C1QTNF9: variants seen among roughly 807,000 people sequenced by gnomAD.
The protein encoded by C1QTNF9 is complement C1q and tumor necrosis factor-related protein 9A.
A neutral mutation model predicts 10.1 loss-of-function variants in C1QTNF9; 6 were observed. The ratio of observed to expected loss-of-function variants is 0.59; its 90% CI spans 0.32 to 1.17. C1QTNF9 has a LOEUF of 1.17. Among genes scored for constraint, C1QTNF9 ranks in the 50% most tolerant of loss-of-function variants. The pLI, the probability that C1QTNF9 is intolerant of heterozygous loss-of-function variation, is 0.04. For synonymous variants in C1QTNF9, 98 were observed against 163.5 expected (o/e 0.60, Z 3.06); for missense variants, 201 against 418.8 (o/e 0.48, Z 4.54).
chr13:24,312,705 C>T (rs4769340), intron 1 of C1QTNF9, among the ~76,000 whole-genome samples: 147,050 of 152,096 alleles, frequency 0.97, 71,264 homozygotes, highest in South Asian at 1. Flanking sequence ...ACCTGTAATC[C>T]CAGCACTTTG....
At chr13:24,320,802 C>T (rs560169268) in intron 3 of C1QTNF9, among the ~76,000 whole-genome samples, 194 bp from the exon 4 acceptor site, 7 of 151,654 alleles carry the variant, frequency 4.6e-5, no homozygotes, top group East Asian at 1.9e-4. Context: ...CCTCCTGCCG[C>T]GGTCTCCCAA....
In C1QTNF9 at chr13:24,314,068, A is replaced by G. The variant is rs532157591; in HGVS notation, c.-22-1914A>G. Reference sequence around the variant, plus strand: ...AGGTAATGGCACACAATTGGCACACAGTTTTGGAACATTAGGAAGAATTTT... The same window carrying G: ...AGGTAATGGCACACAATTGGCACACGGTTTTGGAACATTAGGAAGAATTTT... On this transcript the variant is annotated intron_variant, in intron 1 of 3. Transcript: ENST00000332018. Among the ~76,000 whole-genome samples the G allele has an allele frequency of 4.5e-4, 68 of 152,286 alleles. 2 individuals carry two copies. The South Asian group carries it at 0.014, about 31-fold the overall frequency.
intron 1 of C1QTNF9, among the ~76,000 whole-genome samples, chr13:24,310,979 G>A (rs1464648005): frequency 1.3e-5 from 2 of 151,826 alleles, no homozygotes; most frequent in African/African-American, 4.8e-5. Flanking sequence ...GAGAGTGCAT[G>A]GAAGACAATA....
At chr13:24,313,514 G>C (rs139291585) in intron 1 of C1QTNF9, among the ~76,000 whole-genome samples, 1 of 152,176 alleles carries the variant, frequency 6.6e-6, no homozygotes, top group South Asian at 2.1e-4. Flanking sequence ...AAGGAGGCTC[G>C]TGTATATTCT....
At position 24,321,595 on chromosome 13, in the gene C1QTNF9, A is replaced by G. The variant is rs765237696; in HGVS notation, c.829A>G (p.Lys277Glu). 2 of 1,614,218 alleles carry G rather than the reference A, an allele frequency of 1.2e-6. No homozygotes were observed. Among genetic ancestry groups the G allele is most frequent in the East Asian group, 2.2e-5 (1 of 44,884 alleles). Residue 277 changes from lysine to glutamate, a missense_variant, in exon 4 of 4, where the codon AAA (lysine) becomes GAA (glutamate). Coordinates refer to ENST00000332018, the Ensembl canonical transcript of C1QTNF9. ...AAATGGAGTAAAAATACTGCACACC[A>G]AAGATGCTTACATGAGCTCTGAGGA...
intron 1 of C1QTNF9, among the ~76,000 whole-genome samples, chr13:24,312,056 C>A (rs1358036174): frequency 1.3e-5 from 2 of 152,198 alleles, no homozygotes; most frequent in East Asian, 1.9e-4. Flanking sequence ...GCTAAAATTT[C>A]TATTACTCTG....
chr13:24,316,337 C>T (rs971444297), intron 2 of C1QTNF9, among the ~76,000 whole-genome samples, 168 bp downstream of exon 2: 6 of 152,066 alleles, frequency 3.9e-5, no homozygotes, highest in African/African-American at 1.5e-4. Flanking sequence ...ATCCATCCAC[C>T]CATCTGCCCA....
At chr13:24,312,941 C>A (rs1312992825) in intron 1 of C1QTNF9, among the ~76,000 whole-genome samples, 5 of 133,508 alleles carry the variant, frequency 3.7e-5, no homozygotes, top group South Asian at 2.4e-4. Flanking sequence ...GGCGACAGAG[C>A]GAGACTCTAT....
chr13:24,316,130 G>C (rs771906651), exon 2 of C1QTNF9: 9 of 1,611,676 alleles, frequency 5.6e-6, no homozygotes, highest in Middle Eastern at 3.3e-4. Context: ...GCCTGGAAGA[G>C]ATGGACGAGA....
chr13:24,319,291 C>T (rs1878157771), intron 3 of C1QTNF9, among the ~76,000 whole-genome samples: 1 of 152,298 alleles, frequency 6.6e-6, no homozygotes, highest in Non-Finnish European at 1.5e-5. Flanking sequence ...GTAATCCCAA[C>T]ACTTTGGGAG....
chr13:24,321,674 T>C, exon 4 of C1QTNF9: 1 of 1,614,112 alleles, frequency 6.2e-7, no homozygotes, highest in Non-Finnish European at 8.5e-7. Flanking sequence ...GAGGTGTGGC[T>C]GCAGGTGACA....
chr13:24,316,743 T>C (rs912805323), intron 2 of C1QTNF9, among the ~76,000 whole-genome samples: 11 of 152,164 alleles, frequency 7.2e-5, no homozygotes, highest in African/African-American at 2.7e-4. Context: ...GGTCTGGGGA[T>C]CTGGGGGACA....
exon 1 of C1QTNF9, chr13:24,309,596 G>A (rs1018160964): frequency 1.3e-5 from 2 of 151,860 alleles, no homozygotes; most frequent in African/African-American, 4.8e-5. Flanking sequence ...TCTGGGTCCA[G>A]CCTGCAGCCC....
exon 4 of C1QTNF9, chr13:24,322,516 G>A (rs532882757): frequency 6.6e-6 from 1 of 152,324 alleles, no homozygotes; most frequent in East Asian, 1.9e-4. Context: ...CACAAACTGG[G>A]AGTCTTTAAA....
exon 4 of C1QTNF9, chr13:24,321,345 C>T (rs368396225): frequency 3.8e-5 from 60 of 1,597,056 alleles, no homozygotes; most frequent in African/African-American, 5.5e-5. Context: ...AAGGGAAAAT[C>T]GGTGAGACTC....
chr13:24,312,490 A>G (rs989749106), intron 1 of C1QTNF9, among the ~76,000 whole-genome samples: 3 of 152,230 alleles, frequency 2.0e-5, no homozygotes, highest in Admixed American at 6.5e-5. Context: ...AGTTGAACTA[A>G]TGAAACTGAG....
chr13:24,319,023 G>A (rs1033710880), intron 3 of C1QTNF9, 143 bp downstream of exon 3: 3 of 1,178,898 alleles, frequency 2.5e-6, no homozygotes, highest in East Asian at 2.5e-5. Context: ...GATTCTGCAG[G>A]GATTGGCAGG....
At chr13:24,308,256 G>C (rs541247597), upstream of C1QTNF9, among the ~76,000 whole-genome samples, 1 of 152,206 alleles carries the variant, frequency 6.6e-6, no homozygotes, top group Admixed American at 6.5e-5. Context: ...GGGAAGGGCC[G>C]GGCAGCGAGA....
intron 1 of C1QTNF9, among the ~76,000 whole-genome samples, chr13:24,311,068 T>C (rs1379274229): frequency 6.6e-6 from 1 of 152,160 alleles, no homozygotes; most frequent in East Asian, 1.9e-4. Context: ...TTCCAGTGCA[T>C]GCAGGAGGAA....
Sources: allele counts gnomAD v4.1 joint callset (sites outside exome capture counted in the v4.1 genomes callset), GRCh38; gene constraint gnomAD v4.1.1; transcripts MANE v1.5; gene names NCBI Gene and HGNC (gene_info 2026-07-23, HGNC 2026-07-21).